The following SHROOM4 variants were observed in gnomAD, a reference collection of about 807,000 sequenced individuals.
The protein encoded by SHROOM4 is shroom family member 4, also known as protein Shroom4.
In SHROOM4, 17 loss-of-function variants were observed where a neutral mutation model predicts 80.3. The ratio of observed to expected loss-of-function variants is 0.21; its 90% CI spans 0.14 to 0.32. SHROOM4 has a LOEUF of 0.32. Ranked by LOEUF, SHROOM4 falls within the 10% of genes least tolerant of loss-of-function variation. The pLI is 1.00. For synonymous variants in SHROOM4, 400 were observed against 437.5 expected (o/e 0.91, Z 1.07); for missense variants, 993 against 1,140.3 (o/e 0.87, Z 1.86).
chrX:50,798,928 T>A (rs1165019646), intron 1 of SHROOM4, among the ~76,000 whole-genome samples: 1 of 111,591 alleles, frequency 9.0e-6, no homozygotes, highest in African/African-American at 3.3e-5. Flanking sequence ...TTCAAGCACC[T>A]ATGAGGTCAC....
At chrX:50,680,395 A>C (rs1240436336) in intron 2 of SHROOM4, among the ~76,000 whole-genome samples, 1 of 112,025 alleles carries the variant, frequency 8.9e-6, no homozygotes. Flanking sequence ...AATAATTTAA[A>C]ATGTATGATA....
intron 7 of SHROOM4, 66 bp from the exon 8 acceptor site, chrX:50,598,601 T>A (rs1557247128): frequency 9.9e-6 from 11 of 1,116,751 alleles, no homozygotes; most frequent in Non-Finnish European, 8.5e-6. Flanking sequence ...GATTTGTGCC[T>A]GTAACCTCTG....
chrX:50,721,893 T>C (rs1557265463), intron 1 of SHROOM4, among the ~76,000 whole-genome samples: 1 of 111,278 alleles, frequency 9.0e-6, no homozygotes, highest in Non-Finnish European at 1.9e-5. Context: ...CCTCCTCATT[T>C]GTCTCCATTT....
At chrX:50,732,267 T>C (rs1934390802) in intron 1 of SHROOM4, among the ~76,000 whole-genome samples, 1 of 111,337 alleles carries the variant, frequency 9.0e-6, no homozygotes, top group African/African-American at 3.3e-5. Context: ...TAAGACTGCG[T>C]GTGTGCTGGA....
At position 50,587,393 on chromosome X, in the gene SHROOM4, C is replaced by T. The variant is rs1928779452; in HGVS notation, c.*9302G>A. Among the ~76,000 whole-genome samples, 1 of 111,799 alleles carries T rather than the reference C, an allele frequency of 8.9e-6. No individual in the cohort carries two copies. Among genetic ancestry groups the T allele is most frequent in the Non-Finnish European group, 1.9e-5 (1 of 53,109 alleles). Reference sequence around the variant, plus strand: ...GAGATTCTTCTTCTGGGTAAATACCCAAAGGAAATGAAATCAGTATCTCGA... The same window carrying T: ...GAGATTCTTCTTCTGGGTAAATACCTAAAGGAAATGAAATCAGTATCTCGA... On this transcript the variant is annotated 3_prime_UTR_variant, in exon 9 of 9. Transcript: ENST00000376020.
chrX:50,640,747 C>T (rs1487132008), intron 2 of SHROOM4, among the ~76,000 whole-genome samples: 1 of 112,042 alleles, frequency 8.9e-6, no homozygotes, highest in Non-Finnish European at 1.9e-5. Context: ...GCTCCAATCA[C>T]AGCCTGCAAC....
chrX:50,808,609 TC>T (rs1300889018), intron 1 of SHROOM4, among the ~76,000 whole-genome samples: 1 of 110,946 alleles, frequency 9.0e-6, no homozygotes. Context: ...TGGGTCAGCA[TC>T]TTTTTTCCCT....
At chrX:50,806,426 G>A (rs782197640) in intron 1 of SHROOM4, among the ~76,000 whole-genome samples, 5 of 112,243 alleles carry the variant, frequency 4.5e-5, no homozygotes, top group African/African-American at 1.3e-4. Flanking sequence ...TGGATCATCC[G>A]TTGCAACACT....
At chrX:50,695,118 C>CTGCAATGT (rs1557262943) in intron 2 of SHROOM4, among the ~76,000 whole-genome samples, 1 of 110,862 alleles carries the variant, frequency 9.0e-6, no homozygotes, top group Non-Finnish European at 1.9e-5. Flanking sequence ...ACTGCACTTA[C>CTGCAATGT]CTGCAATGTC....
intron 1 of SHROOM4, among the ~76,000 whole-genome samples, chrX:50,781,566 G>C (rs1935626177): frequency 9.1e-6 from 1 of 109,567 alleles, no homozygotes; most frequent in Non-Finnish European, 1.9e-5. Context: ...GATGGGGAGT[G>C]GGGGGGATGC....
intron 1 of SHROOM4, among the ~76,000 whole-genome samples, chrX:50,812,137 C>G (rs1936344705): frequency 9.3e-6 from 1 of 107,978 alleles, no homozygotes; most frequent in African/African-American, 3.4e-5. Context: ...GTTGTCTAGG[C>G]AGACTGTGGA....
intron 1 of SHROOM4, among the ~76,000 whole-genome samples, chrX:50,787,177 CCA>C (rs1416576734): frequency 9.1e-6 from 1 of 109,413 alleles, no homozygotes; most frequent in Non-Finnish European, 1.9e-5. Flanking sequence ...TATGATTTTG[CCA>C]CTGCACACCA....
intron 5 of SHROOM4, among the ~76,000 whole-genome samples, chrX:50,612,730 A>T (rs1248946933): frequency 8.9e-6 from 1 of 111,970 alleles, no homozygotes; most frequent in Non-Finnish European, 1.9e-5. Context: ...AGTAATAGAA[A>T]ATCTACTGAT....
At chrX:50,742,927 G>T (rs1557267336) in intron 1 of SHROOM4, among the ~76,000 whole-genome samples, 3 of 112,010 alleles carry the variant, frequency 2.7e-5, no homozygotes. Context: ...TAAAATGTTT[G>T]TATGGTTCTC....
intron 1 of SHROOM4, among the ~76,000 whole-genome samples, chrX:50,722,934 T>C (rs1934153016): frequency 9.0e-6 from 1 of 110,604 alleles, no homozygotes. Flanking sequence ...TTACACACAA[T>C]AAAATTACCA....
intron 1 of SHROOM4, among the ~76,000 whole-genome samples, chrX:50,774,886 C>A (rs1935472811): frequency 9.0e-6 from 1 of 111,490 alleles, no homozygotes; most frequent in Non-Finnish European, 1.9e-5. Flanking sequence ...ATTCTACATG[C>A]AAACTATAAA....
intron 2 of SHROOM4, among the ~76,000 whole-genome samples, chrX:50,677,971 G>A (rs1325247638): frequency 1.8e-5 from 2 of 111,310 alleles, no homozygotes. Context: ...TTCAAAAGGG[G>A]AAAAACAAAA....
At chrX:50,657,812 T>A (rs1402751068) in intron 2 of SHROOM4, among the ~76,000 whole-genome samples, 1 of 111,746 alleles carries the variant, frequency 8.9e-6, no homozygotes, top group East Asian at 2.8e-4. Flanking sequence ...AAAAATCAAC[T>A]TTTACAAAAC....
intron 5 of SHROOM4, among the ~76,000 whole-genome samples, chrX:50,620,689 T>C (rs992489972): frequency 8.9e-6 from 1 of 111,901 alleles, no homozygotes; most frequent in Non-Finnish European, 1.9e-5. Context: ...TTGATTTTTT[T>C]AATTGCTGAT....
Sources: gnomAD v4.1 joint callset for allele counts (sites outside exome capture counted in the v4.1 genomes callset) on GRCh38, gnomAD v4.1.1 for gene constraint, MANE v1.5 for transcripts, NCBI Gene and HGNC (gene_info 2026-07-23, HGNC 2026-07-21) for gene names.